The following PRR7 variants were observed in gnomAD, a reference collection of about 807,000 sequenced individuals.
PRR7 encodes the protein proline rich 7, synaptic.
In PRR7, 8 loss-of-function variants were observed where a neutral mutation model predicts 18.5. The ratio of observed to expected loss-of-function variants is 0.43; its 90% confidence interval spans 0.25 to 0.78. The LOEUF (loss-of-function observed/expected upper bound fraction) is 0.78. Among genes scored for constraint, PRR7 ranks in the 30% least tolerant of loss-of-function variants. The pLI, the probability that PRR7 is intolerant of heterozygous loss-of-function variation, is 0.22. For missense variants in PRR7, 396 were observed against 403.1 expected, an observed-to-expected ratio of 0.98 and a Z score of 0.15; for synonymous variants, 221 against 187.7, an observed-to-expected ratio of 1.18 and a Z score of -1.45.
At position 177,456,183 on chromosome 5, in the gene PRR7, A is replaced by G; in HGVS notation, c.*62A>G. On this transcript the variant is annotated 3_prime_UTR_variant, in exon 4 of 4. Coordinates refer to ENST00000323249, the MANE Select transcript of PRR7 (RefSeq NM_030567.5). Reference sequence around the variant, plus strand: ...CCTGGCCTGACTGCGGGGCTTTTTAAATGCTTCCCTGGACTGCGGGGAGGG... The same window carrying G: ...CCTGGCCTGACTGCGGGGCTTTTTAGATGCTTCCCTGGACTGCGGGGAGGG... 1 of 1,127,436 alleles carries G rather than the reference A, an allele frequency of 8.9e-7. No homozygotes were observed. The highest frequency in any genetic ancestry group is 3.9e-5 in the East Asian group (1 of 25,532). 69.8% of individuals were successfully genotyped at this position (1,127,436 alleles called of 1,614,324 possible).
Position 177,450,094 on chromosome 5 carries a change from G to A in PRR7, c.-325+3134G>A, listed in dbSNP as rs1456442661. ...GAGCCTACATCCTTGTCTGTAGAGA[G>A]AACAGCAGCCACCTCCTGAGTTTTC... On this transcript the variant is annotated intron_variant, in intron 1 of 3. Transcript: ENST00000323249. This position sits in a 1 kb window ranked among gnomAD's most constrained non-coding sequence, Gnocchi z 6.6. Among the ~76,000 whole-genome samples the A allele has an allele frequency of 2.0e-5, 3 of 152,152 alleles. No homozygotes were observed. The highest frequency in any genetic ancestry group is 2.9e-5 in the Non-Finnish European group (2 of 68,026).
rs1370542449 is a variant in PRR7 at position 177,455,712 on chromosome 5, C to T, written c.428-12C>T. On this transcript the variant is annotated splice_polypyrimidine_tract_variant and intron_variant, in intron 3 of 3. Transcript: ENST00000323249. This position sits in a 1 kb window ranked among gnomAD's most constrained non-coding sequence, Gnocchi z 6.9. ...GCGGCCTCACCTCCTCCGACCGCCTCCCACTCCGCAGCGGAATCGGACATG... is the reference window on the plus strand; with the variant it reads ...GCGGCCTCACCTCCTCCGACCGCCTTCCACTCCGCAGCGGAATCGGACATG... 1.3e-6 allele frequency: 2 copies of T among 1,568,864 alleles called. No individual in the cohort carries two copies. Among genetic ancestry groups the T allele is most frequent in the Non-Finnish European group, 8.7e-7 (1 of 1,154,678 alleles).
Position 177,455,633 on chromosome 5 carries a change from GGGCTGGGGCGCGGGCGGCCCCT to G in PRR7, c.428-87_428-66del. On this transcript the variant is annotated intron_variant, in intron 3 of 3. Transcript: ENST00000323249. This position sits in a 1 kb window ranked among gnomAD's most constrained non-coding sequence, Gnocchi z 6.9. Reference sequence around the variant, plus strand: ...CGGCGGCGGGCTCGGGTTCGGGCTAGGGCTGGGGCGCGGGCGGCCCCTGGCCGGGGCCTCTGCGAGAGGCTGG... The same window carrying G: ...CGGCGGCGGGCTCGGGTTCGGGCTAGGGCCGGGGCCTCTGCGAGAGGCTGG... The G allele has an allele frequency of 7.0e-7, 1 of 1,424,384 alleles. No homozygotes were observed. The highest frequency in any genetic ancestry group is 9.2e-7 in the Non-Finnish European group (1 of 1,087,450). The allele number at this position is 1,424,384 out of a possible 1,614,324, so 88.2% of individuals were successfully genotyped here. A position where few individuals can be genotyped will look rare whatever the true frequency, so the allele number is the denominator to read the frequency against.
Position 177,455,211 on chromosome 5 carries a change from G to T in PRR7, c.144G>T (p.Glu48Asp). 1 of 1,570,712 alleles carries T rather than the reference G, an allele frequency of 6.4e-7. No individual in the cohort carries two copies. ...LKRRQEERLR[E>D]QNLRALELEP... ...GGCGCCAGGAGGAGCGACTGCGCGA[G>T]CAGAACCTGCGCGCCCTAGAGCTGG... Residue 48 changes from glutamate (E) to aspartate (D), a missense_variant, in exon 3 of 4, where the codon GAG becomes GAT. Around this residue, in one of 2 missense-constraint regions of PRR7, gnomAD observed 383 missense variants for 372.6 expected, o/e 1.03. Transcript: ENST00000323249. The surrounding 1 kb of genome is among the most constrained non-coding windows in gnomAD (Gnocchi z 6.9).
rs1199752824 is a variant in PRR7, at chr5:177,455,100, C to G, written c.33C>G (p.Leu11=). The G allele has an allele frequency of 2.0e-6, 3 of 1,510,880 alleles. No homozygotes were observed. Among genetic ancestry groups the G allele is most frequent in the Admixed American group, 4.5e-5 (2 of 44,862 alleles). 93.6% of individuals were successfully genotyped at this position (1,510,880 alleles called of 1,614,324 possible). The change falls in exon 3 of 4, where the codon CTC becomes CTG. Residue 11 remains leucine (L), a synonymous_variant. Coordinates refer to ENST00000323249, the MANE Select transcript of PRR7 (RefSeq NM_030567.5). The surrounding 1 kb of genome is among the most constrained non-coding windows in gnomAD (Gnocchi z 6.9). ...TGTCCCAGGGCACCTACACGTTCCTCACGTGCTTCGCCGGCTTCTGGCTCA... is the reference window on the plus strand; with the variant it reads ...TGTCCCAGGGCACCTACACGTTCCTGACGTGCTTCGCCGGCTTCTGGCTCA... MVMSQGTYTF[L]TCFAGFWLIW... is the part of the protein sequence containing the mutation.
Position 177,450,546 on chromosome 5 carries a change from C to A in PRR7, c.-324-3410C>A, listed in dbSNP as rs1756132552. ...GCTAAAAGACCAACCAGGTAACGAG[C>A]CCTCCAGCATCTCCTTCCATAGGTG... On this transcript the variant is annotated intron_variant, in intron 1 of 3. Transcript: ENST00000323249. The surrounding 1 kb of genome is among the most constrained non-coding windows in gnomAD (Gnocchi z 6.6). Among the ~76,000 whole-genome samples the A allele has an allele frequency of 6.6e-6, 1 of 152,222 alleles. No homozygotes were observed. Among genetic ancestry groups the A allele is most frequent in the African/African-American group, 2.4e-5 (1 of 41,454 alleles).
In PRR7 at chr5:177,455,133, T is replaced by C; in HGVS notation, c.66T>C (p.Gly22=). The C allele has an allele frequency of 6.5e-7, 1 of 1,545,150 alleles. No homozygotes were observed. The highest frequency in any genetic ancestry group is 8.7e-7 in the Non-Finnish European group (1 of 1,148,526). The part of the protein sequence containing the change: ...TCFAGFWLIW[G]LIVLLCCFCS... ...TCGCCGGCTTCTGGCTCATCTGGGG[T>C]CTCATCGTCCTGCTCTGCTGCTTCT... The change falls in exon 3 of 4, where the codon GGT becomes GGC. Residue 22 remains glycine, a synonymous_variant. Transcript: ENST00000323249. The surrounding 1 kb of genome is among the most constrained non-coding windows in gnomAD (Gnocchi z 6.9).
chr5:177,451,164 TC>T (rs1756154600), intron 1 of PRR7, among the ~76,000 whole-genome samples: 1 of 152,194 alleles, frequency 6.6e-6, no homozygotes, highest in African/African-American at 2.4e-5. Context: ...CAGTAGCAGA[TC>T]TTTGGTGCTT....
Position 177,455,397 on chromosome 5 carries a change from C to G in PRR7, c.330C>G (p.His110Gln). 6.7e-7 allele frequency: 1 copy of G among 1,493,668 alleles called. No individual in the cohort carries two copies. Among genetic ancestry groups the G allele is most frequent in the South Asian group, 1.2e-5 (1 of 80,042 alleles). 92.5% of individuals were successfully genotyped at this position (1,493,668 alleles called of 1,614,324 possible). A position where few individuals can be genotyped will look rare whatever the true frequency, so the allele number is the denominator to read the frequency against. ...TGCACCACGGGCCCGCGCAGCCGCA[C>G]GCGCACGCGCACCCACACCCGCACC... Reference protein sequence around the residue: ...PLLHHGPAQPHAHAHPHPHHH... With the variant: ...PLLHHGPAQPQAHAHPHPHHH... Residue 110 changes from histidine to glutamine, a missense_variant, in exon 3 of 4, where the codon CAC (histidine) becomes CAG (glutamine). Coordinates refer to ENST00000323249, the MANE Select transcript of PRR7 (RefSeq NM_030567.5). The surrounding 1 kb of genome is among the most constrained non-coding windows in gnomAD (Gnocchi z 6.9).
rs2127387085 is a variant in PRR7 at position 177,449,982 on chromosome 5, A to G, written c.-325+3022A>G. ...AGGGTGTCACCAGTGGCTCCCTGAA[A>G]TGCCCTTGCTGCCGGGACCGAGGAC... On this transcript the variant is annotated intron_variant, in intron 1 of 3. Coordinates refer to ENST00000323249, the MANE Select transcript of PRR7 (RefSeq NM_030567.5). This position sits in a 1 kb window ranked among gnomAD's most constrained non-coding sequence, Gnocchi z 4.2. Among the ~76,000 whole-genome samples the G allele has an allele frequency of 6.6e-6, 1 of 152,074 alleles. No individual in the cohort carries two copies. The highest frequency in any genetic ancestry group is 2.1e-4 in the South Asian group (1 of 4,804).
At chr5:177,451,174 T>C (rs1323749472) in intron 1 of PRR7, among the ~76,000 whole-genome samples, 1 of 152,236 alleles carries the variant, frequency 6.6e-6, no homozygotes, top group Non-Finnish European at 1.5e-5. Flanking sequence ...TCTTTGGTGC[T>C]TTGGCCTGTA....
chr5:177,452,486 T>C (rs1756204954), intron 1 of PRR7, among the ~76,000 whole-genome samples: 1 of 152,214 alleles, frequency 6.6e-6, no homozygotes. Flanking sequence ...ATTGAGCACC[T>C]ATGGTCGGTT....
In PRR7 at chr5:177,455,920, G is replaced by T. The variant is rs756956664; in HGVS notation, c.624G>T (p.Arg208=). 1.2e-6 allele frequency: 2 copies of T among 1,607,352 alleles called. No homozygotes were observed. The highest frequency in any genetic ancestry group is 1.7e-6 in the Non-Finnish European group (2 of 1,178,854). The change falls in exon 4 of 4, where the codon CGG becomes CGT. Residue 208 remains arginine, a synonymous_variant. Transcript: ENST00000323249. The surrounding 1 kb of genome is among the most constrained non-coding windows in gnomAD (Gnocchi z 6.9). ...PPSYKPLFLD[R]GYTSALHLPS... is the part of the protein sequence containing the mutation. ...GCTACAAGCCGCTCTTCCTGGACCG[G>T]GGCTACACCTCGGCGCTGCACCTGC...
In PRR7 at chr5:177,454,854, C is replaced by G. The variant is rs1234654843; in HGVS notation, c.-214C>G. On this transcript the variant is annotated 5_prime_UTR_variant, in exon 3 of 4. Transcript: ENST00000323249. The surrounding 1 kb of genome is among the most constrained non-coding windows in gnomAD (Gnocchi z 4.7). ...GTCCCGCGCGGCCCCGGGTGAGGCA[C>G]GCCCGCGCGCCCGCCGGCGCCATGG... 1 of 463,838 alleles carries G rather than the reference C, an allele frequency of 2.2e-6. No homozygotes were observed. Among genetic ancestry groups the G allele is most frequent in the Non-Finnish European group, 3.2e-6 (1 of 308,950 alleles). 28.7% of individuals were successfully genotyped at this position (463,838 alleles called of 1,614,324 possible). A position where few individuals can be genotyped will look rare whatever the true frequency, so the allele number is the denominator to read the frequency against.
Position 177,456,256 on chromosome 5 carries a change from T to C in PRR7, c.*135T>C. 56 of 752,028 alleles carry C rather than the reference T, an allele frequency of 7.4e-5. No homozygotes were observed. The highest frequency in any genetic ancestry group is 9.8e-5 in the Non-Finnish European group (49 of 501,822). 46.6% of individuals were successfully genotyped at this position (752,028 alleles called of 1,614,324 possible). A position where few individuals can be genotyped will look rare whatever the true frequency, so the allele number is the denominator to read the frequency against. Reference sequence around the variant, plus strand: ...TATCCCGTTTGTTACATTTTGAGGATAATAAAGGTGTGTGATCTGGTTTGG... The same window carrying C: ...TATCCCGTTTGTTACATTTTGAGGACAATAAAGGTGTGTGATCTGGTTTGG... On this transcript the variant is annotated 3_prime_UTR_variant, in exon 4 of 4. Transcript: ENST00000323249.
At chr5:177,448,425 A>G (rs1406494897) in intron 1 of PRR7, 2 of 152,150 alleles carry the variant, frequency 1.3e-5, no homozygotes, top group Admixed American at 6.5e-5. Flanking sequence ...TATTATCCCC[A>G]TTTTAGAGAT....
chr5:177,452,552 G>A (rs769767603), intron 1 of PRR7, among the ~76,000 whole-genome samples: 1 of 152,204 alleles, frequency 6.6e-6, no homozygotes, highest in Non-Finnish European at 1.5e-5. Flanking sequence ...TTCCAGTCCC[G>A]TGGGCCTGCT....
Position 177,454,641 on chromosome 5 carries a change from T to C in PRR7, c.-239-188T>C, listed in dbSNP as rs1243992256. Among the ~76,000 whole-genome samples the C allele has an allele frequency of 6.6e-6, 1 of 151,648 alleles. No individual in the cohort carries two copies. The highest frequency in any genetic ancestry group is 1.5e-5 in the Non-Finnish European group (1 of 67,834). On this transcript the variant is annotated intron_variant, in intron 2 of 3. Coordinates refer to ENST00000323249, the MANE Select transcript of PRR7 (RefSeq NM_030567.5). This position sits in a 1 kb window ranked among gnomAD's most constrained non-coding sequence, Gnocchi z 4.7. ...TCCGCGGCGGCGGCCGGGGCTCAGA[T>C]CGGGGAAACCCTACCGGGGAAACCT...
Position 177,455,196 on chromosome 5 carries a change from G to A in PRR7, c.129G>A (p.Glu43=), listed in dbSNP as rs1756349825. The part of the protein sequence containing the change: ...FLRRRLKRRQ[E]ERLREQNLRA... ...GCCGCCGCCTCAAACGGCGCCAGGA[G>A]GAGCGACTGCGCGAGCAGAACCTGC... Residue 43 remains glutamate (E), a synonymous_variant, in exon 3 of 4, where the codon GAG becomes GAA. Coordinates refer to ENST00000323249, the MANE Select transcript of PRR7 (RefSeq NM_030567.5). The surrounding 1 kb of genome is among the most constrained non-coding windows in gnomAD (Gnocchi z 6.9). 2 of 1,572,434 alleles carry A rather than the reference G, an allele frequency of 1.3e-6. No homozygotes were observed. The highest frequency in any genetic ancestry group is 1.7e-6 in the Non-Finnish European group (2 of 1,165,622).
Sources: gnomAD v4.1 joint callset for allele counts (sites outside exome capture counted in the v4.1 genomes callset) on GRCh38, gnomAD v4.1.1 for gene constraint, gnomAD v4.1.1 regional missense constraint, Gnocchi (gnomAD v3.1) non-coding constraint, MANE v1.5 for transcripts, NCBI Gene and HGNC (gene_info 2026-07-23, HGNC 2026-07-21) for gene names.